HNMT: variants seen among roughly 807,000 people sequenced by gnomAD.
The protein encoded by HNMT is histamine N-methyltransferase.
In HNMT, 30 loss-of-function variants were observed where a neutral mutation model predicts 32.1. The ratio of observed to expected loss-of-function variants is 0.93; its 90% CI spans 0.70 to 1.27. The LOEUF is 1.27. Ranked by LOEUF, HNMT falls within the 50% of genes most tolerant of loss-of-function variation. The probability of loss-of-function intolerance (pLI) is 0.00; values close to 1 mark genes in which losing one functional copy is unlikely to be tolerated. For synonymous variants in HNMT, 125 were observed against 119.0 expected, an observed-to-expected ratio of 1.05 and a Z score of -0.33; for missense variants, 327 against 346.0, an observed-to-expected ratio of 0.95 and a Z score of 0.43.
chr2:138,009,909 C>T lies in HNMT; in HGVS notation c.524-3866C>T, dbSNP rs1312994247. Among the ~76,000 whole-genome samples the T allele has an allele frequency of 2.0e-5, 3 of 152,074 alleles. No individual in the cohort carries two copies. The South Asian group carries it at 6.2e-4, about 31-fold the overall frequency. On this transcript the variant is annotated intron_variant, in intron 5 of 5. Coordinates refer to ENST00000280097, the MANE Select transcript of HNMT (RefSeq NM_006895.3). ...ACCAGAGCTATAATTCTTTAAACCC[C>T]ATTTTTCATTTACTCAACAGATTGA...
At chr2:137,981,248 A>T in intron 2 of HNMT, 1 of 1,613,616 alleles carries the variant, frequency 6.2e-7, no homozygotes, top group Non-Finnish European at 8.5e-7. Flanking sequence ...CAGGGTTCTC[A>T]AGCGGAATTC....
At chr2:138,002,877 G>A (rs1464322360) in intron 4 of HNMT, 1 of 566,080 alleles carries the variant, frequency 1.8e-6, no homozygotes, top group Non-Finnish European at 2.2e-6. Context: ...TGGACATATG[G>A]TCGAAGGGGC....
chr2:137,984,803 G>A (rs1216402497), intron 2 of HNMT, among the ~76,000 whole-genome samples: 1 of 151,998 alleles, frequency 6.6e-6, no homozygotes, highest in Admixed American at 6.6e-5. Context: ...TTTTTTAAAA[G>A]TTACCATATG....
intron 5 of HNMT, among the ~76,000 whole-genome samples, chr2:138,007,651 G>C (rs1489323711): frequency 1.3e-5 from 2 of 151,928 alleles, no homozygotes; most frequent in Non-Finnish European, 2.9e-5. Flanking sequence ...TGTGCTCCAA[G>C]TTCAACTTTT....
At chr2:137,971,094 G>A (rs1680122266) in intron 2 of HNMT, among the ~76,000 whole-genome samples, 1 of 152,076 alleles carries the variant, frequency 6.6e-6, no homozygotes, top group African/African-American at 2.4e-5. Flanking sequence ...CATTCTTTGA[G>A]TGGCATGGGC....
intron 1 of HNMT, chr2:137,967,374 C>A: frequency 2.4e-6 from 1 of 413,210 alleles, no homozygotes; most frequent in Non-Finnish European, 4.3e-6. Flanking sequence ...CTGCTCTCAG[C>A]CTGGATGACA....
chr2:138,002,228 A>G, intron 4 of HNMT, 34 bp downstream of exon 4: 1 of 1,358,902 alleles, frequency 7.4e-7, no homozygotes. Context: ...ATACTCAGAA[A>G]GAAGACTTTT....
intron 2 of HNMT, among the ~76,000 whole-genome samples, chr2:137,975,143 AGAG>A (rs2104933287): frequency 6.6e-6 from 1 of 152,356 alleles, no homozygotes; most frequent in Admixed American, 6.5e-5. Context: ...CAATCAATTT[AGAG>A]GTTTATTTTA....
At position 138,015,832 on chromosome 2, in the gene HNMT, A is replaced by C. The variant is rs1681645629; in HGVS notation, c.*1702A>C. On this transcript the variant is annotated 3_prime_UTR_variant, in exon 6 of 6. Transcript: ENST00000280097. ...AAAACAAACAAAATTAGAACTAACA[A>C]TGCTATTGAAAGATACAAAAGAATT... 6.6e-6 allele frequency: 1 copy of C among 152,156 alleles called. No homozygotes were observed. The highest frequency in any genetic ancestry group is 2.4e-5 in the African/African-American group (1 of 41,432). 9.4% of individuals were successfully genotyped at this position (152,156 alleles called of 1,614,324 possible).
chr2:138,010,205 A>T (rs1317269313), intron 5 of HNMT, among the ~76,000 whole-genome samples: 1 of 152,060 alleles, frequency 6.6e-6, no homozygotes, highest in Non-Finnish European at 1.5e-5. Flanking sequence ...ACATCTTTGT[A>T]AAGACTTTGG....
chr2:137,979,473 C>T (rs867625740), intron 2 of HNMT, among the ~76,000 whole-genome samples: 2 of 151,958 alleles, frequency 1.3e-5, no homozygotes, highest in African/African-American at 4.8e-5. Flanking sequence ...AAGATGGTCT[C>T]GATCTCCTGA....
At chr2:138,006,041 A>G (rs1681322267) in intron 5 of HNMT, among the ~76,000 whole-genome samples, 1 of 152,036 alleles carries the variant, frequency 6.6e-6, no homozygotes, top group African/African-American at 2.4e-5. Flanking sequence ...GATGGCAAGC[A>G]TGGTTATAGC....
Position 137,968,721 on chromosome 2 carries a change from G to A in HNMT, c.138-1444G>A, listed in dbSNP as rs1432552271. ...TAGGACTCAGGATTATGAGTTGGAGGATAATTAGAATTGAAGAAGGCAAAT... is the reference window on the plus strand; with the variant it reads ...TAGGACTCAGGATTATGAGTTGGAGAATAATTAGAATTGAAGAAGGCAAAT... On this transcript the variant is annotated intron_variant, in intron 1 of 5. Transcript: ENST00000280097. Among the ~76,000 whole-genome samples the A allele has an allele frequency of 2.6e-5, 4 of 152,104 alleles. No individual in the cohort carries two copies. The East Asian group carries it at 7.7e-4, about 29-fold the overall frequency.
chr2:137,973,137 T>G (rs576993532), intron 2 of HNMT, among the ~76,000 whole-genome samples: 2 of 152,318 alleles, frequency 1.3e-5, no homozygotes, highest in African/African-American at 4.8e-5. Flanking sequence ...TTAAGTTATA[T>G]ATACTTAGCT....
chr2:138,004,693 G>A (rs1218771954), intron 4 of HNMT, among the ~76,000 whole-genome samples: 1 of 152,060 alleles, frequency 6.6e-6, no homozygotes, highest in Non-Finnish European at 1.5e-5. Flanking sequence ...GTGAGCATAT[G>A]GAGAAGCTAG....
intron 1 of HNMT, among the ~76,000 whole-genome samples, chr2:137,968,586 C>T (rs563115403): frequency 6.6e-6 from 1 of 152,306 alleles, no homozygotes; most frequent in Non-Finnish European, 1.5e-5. Context: ...GGTAACATAA[C>T]AGTAACCTGG....
intron 5 of HNMT, among the ~76,000 whole-genome samples, chr2:138,012,170 G>A (rs553150058): frequency 1.5e-4 from 23 of 152,040 alleles, no homozygotes; most frequent in Non-Finnish European, 2.2e-4. Context: ...TTTCATGTGC[G>A]TACCATTACG....
Position 137,972,893 on chromosome 2 carries a change from A to C in HNMT, c.190+2676A>C, listed in dbSNP as rs528089994. Among the ~76,000 whole-genome samples, 2 of 152,314 alleles carry C rather than the reference A, an allele frequency of 1.3e-5. 1 individual carries two copies. Among genetic ancestry groups the C allele is most frequent in the South Asian group, 4.1e-4 (2 of 4,826 alleles). On this transcript the variant is annotated intron_variant, in intron 2 of 5. Coordinates refer to ENST00000280097, the MANE Select transcript of HNMT (RefSeq NM_006895.3). The stretch of plus-strand genomic sequence containing the variant: ...ATGCAAATTTATCCAGATGCTTATA[A>C]GCTATCTAGAGAAAGGAACGTTTGG...
At chr2:137,968,501 AAC>A (rs1341677151) in intron 1 of HNMT, among the ~76,000 whole-genome samples, 2 of 152,234 alleles carry the variant, frequency 1.3e-5, no homozygotes, top group African/African-American at 2.4e-5. Context: ...ATGAATTAGA[AAC>A]AGTTATTAAT....
Sources: allele counts gnomAD v4.1 joint callset (sites outside exome capture counted in the v4.1 genomes callset), GRCh38; gene constraint gnomAD v4.1.1; transcripts MANE v1.5; gene names NCBI Gene and HGNC (gene_info 2026-07-23, HGNC 2026-07-21).